Variants in GRIN1 observed in about 807,000 individuals in gnomAD.
GRIN1 encodes the protein glutamate receptor ionotropic, NMDA 1.
A neutral mutation model predicts 103.0 loss-of-function variants in GRIN1; 38 were observed. The observed-to-expected ratio is 0.37, with a 90% CI of 0.28 to 0.48. The LOEUF (loss-of-function observed/expected upper bound fraction) is 0.48, where lower values mean the gene tolerates loss of function less well. Ranked by LOEUF, GRIN1 falls within the 20% of genes least tolerant of loss-of-function variation. The pLI, the probability that GRIN1 is intolerant of heterozygous loss-of-function variation, is 0.98. For missense variants in GRIN1, 577 were observed against 1,288.9 expected, an observed-to-expected ratio of 0.45 and a Z score of 8.46; for synonymous variants, 544 against 532.7, an observed-to-expected ratio of 1.02 and a Z score of -0.29.
At position 137,162,306 on chromosome 9, in the gene GRIN1, G is replaced by A; in HGVS notation, c.1751+16G>A. ...ACCGCTTCAGGTGAGCGCGACCCGG[G>A]GCTCAGACACCTCCATCTGCGGGGC... On this transcript the variant is annotated intron_variant, in intron 12 of 19. Transcript: ENST00000371561. 2 of 1,546,512 alleles carry A rather than the reference G, an allele frequency of 1.3e-6. No homozygotes were observed. Among genetic ancestry groups the A allele is most frequent in the South Asian group, 2.3e-5 (2 of 86,138 alleles).
intron 4 of GRIN1, among the ~76,000 whole-genome samples, chr9:137,153,118 C>G (rs1356336541): frequency 6.6e-6 from 1 of 151,574 alleles, no homozygotes; most frequent in Non-Finnish European, 1.5e-5. Flanking sequence ...ACCACACACA[C>G]ACGTGCACAA....
chr9:137,165,990 G>A (rs1833857403), intron 19 of GRIN1, among the ~76,000 whole-genome samples: 1 of 152,208 alleles, frequency 6.6e-6, no homozygotes, highest in Admixed American at 6.5e-5. Flanking sequence ...AGGGAGTGGG[G>A]TGGGACCAAA....
At chr9:137,166,174 T>A (rs2131310832) in intron 19 of GRIN1, among the ~76,000 whole-genome samples, 1 of 152,212 alleles carries the variant, frequency 6.6e-6, no homozygotes, top group East Asian at 1.9e-4. Context: ...CCACCTCAGC[T>A]CCTGACCCCA....
intron 4 of GRIN1, among the ~76,000 whole-genome samples, chr9:137,154,768 C>T (rs1181164030): frequency 6.6e-6 from 1 of 152,180 alleles, no homozygotes; most frequent in Non-Finnish European, 1.5e-5. Flanking sequence ...TACTTCAGAG[C>T]AATGGCTCTG....
intron 19 of GRIN1, among the ~76,000 whole-genome samples, chr9:137,167,107 G>A (rs1425450302): frequency 6.6e-6 from 1 of 152,172 alleles, no homozygotes; most frequent in Non-Finnish European, 1.5e-5. Flanking sequence ...GGCCAGTTCT[G>A]GCATCACGTG....
Position 137,156,802 on chromosome 9 carries a change from G to A in GRIN1, c.793+12G>A, listed in dbSNP as rs200668900. 5.6e-6 allele frequency: 9 copies of A among 1,598,354 alleles called. No homozygotes were observed. The Admixed American group carries it at 1.4e-4, about 24-fold the overall frequency. ...CTACGCCCCAGACGGTGAGTGCTGG[G>A]CCTTGGCGGGGTCCCCGAACGGGGA... On this transcript the variant is annotated intron_variant, in intron 5 of 19. Transcript: ENST00000371561.
intron 3 of GRIN1, among the ~76,000 whole-genome samples, chr9:137,148,506 G>A (rs1183715513): frequency 2.0e-5 from 3 of 152,192 alleles, no homozygotes; most frequent in Admixed American, 6.5e-5. Flanking sequence ...GGGTTTCCTC[G>A]TGGAACCCGG....
rs753018799 is a variant in GRIN1, at chr9:137,158,626, C to T, written c.1119C>T (p.Ile373=). 1 of 1,612,446 alleles carries T rather than the reference C, an allele frequency of 6.2e-7. No homozygotes were observed. Among genetic ancestry groups the T allele is most frequent in the East Asian group, 2.2e-5 (1 of 44,888 alleles). The change falls in exon 8 of 20, where the codon ATC becomes ATT. Residue 373 remains isoleucine (I), a synonymous_variant. Transcript: ENST00000371561. The stretch of plus-strand genomic sequence containing the variant: ...TCTCATACTCCCACCCCCAGGTCAT[C>T]CCTAATGACAGGAAGATCATCTGGC... The part of the protein sequence containing the change: ...QVGIYNGTHV[I]PNDRKIIWPG...
chr9:137,162,140 C>G (rs1486827323), intron 11 of GRIN1, 32 bp from the exon 12 acceptor site: 1 of 1,541,116 alleles, frequency 6.5e-7, no homozygotes, highest in Non-Finnish European at 8.7e-7. Flanking sequence ...CCTGGAGGGC[C>G]CGGGCCGCGC....
intron 4 of GRIN1, among the ~76,000 whole-genome samples, chr9:137,151,313 AAAAGCTCCGCCCAGGG>A (rs1210707292): frequency 8.9e-5 from 13 of 145,760 alleles, no homozygotes; most frequent in East Asian, 8.7e-4. Context: ...CTGGCCAGAT[AAAAGCTCCGCCCAGGG>A]AAAGCTCCGC....
intron 19 of GRIN1, among the ~76,000 whole-genome samples, chr9:137,166,218 C>T (rs976068280): frequency 5.9e-5 from 9 of 152,238 alleles, no homozygotes; most frequent in Non-Finnish European, 1.2e-4. Context: ...AAGAGCCAGG[C>T]CTTCTGCCCT....
chr9:137,163,476 G>A (rs1833678460), intron 16 of GRIN1, 83 bp from the exon 17 acceptor site: 1 of 1,338,070 alleles, frequency 7.5e-7, no homozygotes, highest in Non-Finnish European at 1.1e-6. Context: ...TACCCCGCAG[G>A]CCCCGCCCCG....
At chr9:137,158,211 G>C (rs749880203) in intron 6 of GRIN1, among the ~76,000 whole-genome samples, 168 bp from the exon 7 acceptor site, 3 of 152,210 alleles carry the variant, frequency 2.0e-5, no homozygotes, top group Non-Finnish European at 2.9e-5. Flanking sequence ...TGATCTTTCC[G>C]TTCTTGGGAC....
chr9:137,154,697 C>T (rs1293925319), intron 4 of GRIN1, among the ~76,000 whole-genome samples: 1 of 152,036 alleles, frequency 6.6e-6, no homozygotes, highest in African/African-American at 2.4e-5. Flanking sequence ...GGAGACCTGC[C>T]CGCCTCGGCC....
At chr9:137,160,824 C>T (rs1178150410) in intron 8 of GRIN1, among the ~76,000 whole-genome samples, 1 of 152,228 alleles carries the variant, frequency 6.6e-6, no homozygotes, top group East Asian at 1.9e-4. Flanking sequence ...CCCCACCCCC[C>T]CGGGGCTGCA....
At chr9:137,157,606 C>G (rs1681480297) in intron 6 of GRIN1, among the ~76,000 whole-genome samples, 1 of 152,194 alleles carries the variant, frequency 6.6e-6, no homozygotes, top group Non-Finnish European at 1.5e-5. Context: ...GAACAGCACA[C>G]GAGCCTTAGA....
At chr9:137,156,590 G>A in intron 4 of GRIN1, 79 bp from the exon 5 acceptor site, 17 of 1,544,288 alleles carry the variant, frequency 1.1e-5, no homozygotes, top group Middle Eastern at 2.3e-4. Flanking sequence ...CCCTGCTCCA[G>A]AGGAGGAGGA....
intron 3 of GRIN1, 86 bp from the exon 4 acceptor site, chr9:137,148,923 T>C: frequency 2.1e-6 from 2 of 966,966 alleles, no homozygotes; most frequent in Admixed American, 2.0e-5. Flanking sequence ...GCCTCGGGGT[T>C]CCCAGCGGCT....
chr9:137,163,450 A>T (rs893298514), intron 16 of GRIN1, 109 bp from the exon 17 acceptor site: 43 of 1,425,768 alleles, frequency 3.0e-5, no homozygotes, highest in Non-Finnish European at 4.0e-5. Flanking sequence ...GGCGCTGCCC[A>T]CTCCACGCCG....
Sources: gnomAD v4.1 joint callset for allele counts (sites outside exome capture counted in the v4.1 genomes callset) on GRCh38, gnomAD v4.1.1 for gene constraint, MANE v1.5 for transcripts, NCBI Gene and HGNC (gene_info 2026-07-23, HGNC 2026-07-21) for gene names.